RYR2: variants seen among roughly 807,000 people sequenced by gnomAD.
RYR2 encodes the protein cardiac muscle ryanodine receptor-calcium release channel.
A neutral mutation model predicts 601.1 loss-of-function variants in RYR2; 227 were observed. The observed-to-expected ratio is 0.38, with a 90% CI of 0.34 to 0.42. The LOEUF (loss-of-function observed/expected upper bound fraction) is 0.42, where lower values mean the gene tolerates loss of function less well. RYR2 is among the 10% of genes least tolerant of loss of function. RYR2 has a pLI of 1.00. For synonymous variants in RYR2, 2,223 were observed against 2,175.1 expected, an observed-to-expected ratio of 1.02 and a Z score of -0.61; for missense variants, 4,646 against 6,156.5, an observed-to-expected ratio of 0.75 and a Z score of 8.21.
At chr1:237,797,047 G>A (rs1176440664) in intron 96 of RYR2, among the ~76,000 whole-genome samples, 1 of 151,986 alleles carries the variant, frequency 6.6e-6, no homozygotes, top group Non-Finnish European at 1.5e-5. Flanking sequence ...GCCTCCCAAA[G>A]TGCTGGGATT....
chr1:237,743,677 G>A, intron 80 of RYR2: 1 of 509,490 alleles, frequency 2.0e-6, no homozygotes, highest in Non-Finnish European at 3.9e-6. Flanking sequence ...GGTTTCTTGT[G>A]ACATTTACCT....
intron 5 of RYR2, 107 bp downstream of exon 5, chr1:237,364,479 T>A: frequency 2.0e-6 from 1 of 500,180 alleles, no homozygotes; most frequent in South Asian, 4.6e-5. Context: ...ATTATATATA[T>A]GACAGATATA....
chr1:237,812,973 G>A lies in RYR2; in HGVS notation c.14433+3938G>A, dbSNP rs148607257. On this transcript the variant is annotated intron_variant, in intron 100 of 104. Transcript: ENST00000366574. ...ATAAGACTGACCCGTTACTAGTGAC[G>A]ACTCTCCATCAGAGTCACTAACATG... 2.3e-4 allele frequency among the ~76,000 whole-genome samples: 35 copies of A among 151,258 alleles called. No individual in the cohort carries two copies. The East Asian group carries it at 5.0e-3, about 22-fold the overall frequency.
intron 1 of RYR2, among the ~76,000 whole-genome samples, chr1:237,258,002 A>G (rs1266406768): frequency 6.6e-6 from 1 of 151,776 alleles, no homozygotes; most frequent in African/African-American, 2.4e-5. Flanking sequence ...TGTCTCTACT[A>G]AAAATACAAA....
At chr1:237,451,761 A>T (rs1053363426) in intron 14 of RYR2, among the ~76,000 whole-genome samples, 1 of 152,074 alleles carries the variant, frequency 6.6e-6, no homozygotes, top group African/African-American at 2.4e-5. Flanking sequence ...TATTTTTACA[A>T]TATTTTCACC....
intron 41 of RYR2, among the ~76,000 whole-genome samples, chr1:237,629,336 G>A (rs1215368064): frequency 1.3e-5 from 2 of 151,680 alleles, no homozygotes; most frequent in Non-Finnish European, 2.9e-5. Context: ...ATATATGCAC[G>A]CAGGAAATCT....
chr1:237,640,843 T>C (rs1008531580), intron 46 of RYR2, 54 bp from the exon 47 acceptor site: 1 of 1,393,106 alleles, frequency 7.2e-7, no homozygotes, highest in Non-Finnish European at 1.0e-6. Context: ...GTAATAAACA[T>C]GAAATGTCAG....
rs1675888737 is a variant in RYR2 at position 237,160,535 on chromosome 1, T to C, written c.49-109962T>C. ...AGATTTAGAACTAATGTCTGGGTTT[T>C]TTTTGGTGGTGGTGGTTGTTTTGTT... On this transcript the variant is annotated intron_variant, in intron 1 of 104. Coordinates refer to ENST00000366574, the MANE Select transcript of RYR2 (RefSeq NM_001035.3). Among the ~76,000 whole-genome samples, 2 of 152,250 alleles carry C rather than the reference T, an allele frequency of 1.3e-5. 1 individual carries two copies.
At chr1:237,670,326 AGGGAGAGGGAGAC>A (rs1035584869) in intron 58 of RYR2, among the ~76,000 whole-genome samples, 1 of 86,786 alleles carries the variant, frequency 1.2e-5, no homozygotes, top group East Asian at 3.7e-4. Flanking sequence ...GGAGAGGGAG[AGGGAGAGGGAGAC>A]GGGAGAGGGA....
At chr1:237,163,926 C>T (rs1363808387) in intron 1 of RYR2, among the ~76,000 whole-genome samples, 2 of 152,246 alleles carry the variant, frequency 1.3e-5, no homozygotes, top group Non-Finnish European at 1.5e-5. Flanking sequence ...ACTTCAGGAT[C>T]AGAAACCTAA....
At chr1:237,716,898 A>G (rs1271473727) in intron 71 of RYR2, among the ~76,000 whole-genome samples, 3 of 152,172 alleles carry the variant, frequency 2.0e-5, no homozygotes, top group African/African-American at 4.8e-5. Context: ...TGAAATTACT[A>G]TAGAATTTTT....
chr1:237,136,324 A>G (rs1672772195), intron 1 of RYR2, among the ~76,000 whole-genome samples: 1 of 152,192 alleles, frequency 6.6e-6, no homozygotes, highest in South Asian at 2.1e-4. Flanking sequence ...AAGGGGCTGA[A>G]TAACCCTGGG....
intron 2 of RYR2, among the ~76,000 whole-genome samples, chr1:237,324,612 G>C (rs1348530258): frequency 6.6e-6 from 1 of 152,110 alleles, no homozygotes; most frequent in Non-Finnish European, 1.5e-5. Context: ...GCATTGTCCA[G>C]GTTATCATGC....
At chr1:237,164,106 T>C (rs910762583) in intron 1 of RYR2, among the ~76,000 whole-genome samples, 1 of 152,192 alleles carries the variant, frequency 6.6e-6, no homozygotes, top group Admixed American at 6.5e-5. Flanking sequence ...GCCAATGTGG[T>C]GAAACCTCGT....
intron 17 of RYR2, among the ~76,000 whole-genome samples, chr1:237,486,230 G>A (rs1662671321): frequency 6.6e-6 from 1 of 152,164 alleles, no homozygotes; most frequent in African/African-American, 2.4e-5. Flanking sequence ...GGGGTACTTA[G>A]AGACATTCTC....
intron 28 of RYR2, 151 bp from the exon 29 acceptor site, chr1:237,568,994 T>C: frequency 1.9e-6 from 1 of 519,238 alleles, no homozygotes; most frequent in East Asian, 3.0e-5. Context: ...CCATTTTGCT[T>C]AGGACATTGC....
At chr1:237,096,020 T>G (rs1246949313) in intron 1 of RYR2, among the ~76,000 whole-genome samples, 1 of 152,204 alleles carries the variant, frequency 6.6e-6, no homozygotes, top group Non-Finnish European at 1.5e-5. Flanking sequence ...TAAATGATTC[T>G]GAAAAATTGG....
At chr1:237,409,540 A>G (rs1704235854) in intron 10 of RYR2, among the ~76,000 whole-genome samples, 1 of 152,150 alleles carries the variant, frequency 6.6e-6, no homozygotes, top group African/African-American at 2.4e-5. Context: ...GTATTCAAAC[A>G]GCACATTCCT....
In RYR2 at chr1:237,611,923, G is replaced by A. The variant is rs527871361; in HGVS notation, c.4910+935G>A. Reference sequence around the variant, plus strand: ...ATGTGATCTAGCAATTCTACTCCTCGTATATACCCAAGAGAAATTAAAATA... The same window carrying A: ...ATGTGATCTAGCAATTCTACTCCTCATATATACCCAAGAGAAATTAAAATA... On this transcript the variant is annotated intron_variant, in intron 36 of 104. Transcript: ENST00000366574. Among the ~76,000 whole-genome samples the A allele has an allele frequency of 1.8e-4, 28 of 151,972 alleles. No homozygotes were observed. The East Asian group carries it at 4.4e-3, about 24-fold the overall frequency.
Sources: allele counts gnomAD v4.1 joint callset (sites outside exome capture counted in the v4.1 genomes callset), GRCh38; gene constraint gnomAD v4.1.1; transcripts MANE v1.5; gene names NCBI Gene and HGNC (gene_info 2026-07-23, HGNC 2026-07-21).